NTRK2: variants seen among roughly 807,000 people sequenced by gnomAD.
NTRK2 encodes the protein BDNF/NT-3 growth factors receptor.
NTRK2 carries 13 observed loss-of-function variants against 94.5 expected under a neutral mutation model. The observed-to-expected ratio is 0.14, with a 90% CI of 0.09 to 0.22. The LOEUF (loss-of-function observed/expected upper bound fraction) is 0.22, where lower values mean the gene tolerates loss of function less well. NTRK2 is among the 10% of genes least tolerant of loss of function. The pLI is 1.00. For missense variants in NTRK2, 639 were observed against 1,071.2 expected (o/e 0.60, Z 5.63); for synonymous variants, 372 against 407.4 (o/e 0.91, Z 1.05).
intron 14 of NTRK2, among the ~76,000 whole-genome samples, chr9:84,903,064 A>G (rs2076978595): frequency 6.6e-6 from 1 of 152,202 alleles, no homozygotes. Flanking sequence ...TTTTTACTGT[A>G]CTGCTCGTTT....
At chr9:85,020,892 T>C (rs983740810) in intron 18 of NTRK2, among the ~76,000 whole-genome samples, 1 of 152,192 alleles carries the variant, frequency 6.6e-6, no homozygotes, top group Non-Finnish European at 1.5e-5. Flanking sequence ...CTTTATCCAA[T>C]AGCCTGAGAG....
chr9:85,016,419 A>C (rs1374324044), intron 17 of NTRK2, among the ~76,000 whole-genome samples: 2 of 152,150 alleles, frequency 1.3e-5, no homozygotes, highest in Non-Finnish European at 2.9e-5. Context: ...ATTACTGGAG[A>C]GCCCCTGAGG....
At chr9:84,765,020 T>G (rs1322148897) in intron 12 of NTRK2, among the ~76,000 whole-genome samples, 2 of 152,148 alleles carry the variant, frequency 1.3e-5, no homozygotes, top group Admixed American at 6.5e-5. Context: ...ACAATTGAAC[T>G]CATGGACACA....
At chr9:84,909,119 T>C (rs2077162493) in intron 14 of NTRK2, among the ~76,000 whole-genome samples, 1 of 152,180 alleles carries the variant, frequency 6.6e-6, no homozygotes, top group Non-Finnish European at 1.5e-5. Flanking sequence ...CCCACTATTC[T>C]ATTCTCCATT....
chr9:84,792,876 A>G (rs2068870439), intron 12 of NTRK2, among the ~76,000 whole-genome samples: 1 of 152,334 alleles, frequency 6.6e-6, no homozygotes, highest in Middle Eastern at 3.4e-3. Context: ...TATAAAATAG[A>G]TATTATATAA....
At position 84,670,774 on chromosome 9, in the gene NTRK2, G is replaced by A. The variant is rs1421322179; in HGVS notation, c.26G>A (p.Gly9Glu). 6.2e-7 allele frequency: 1 copy of A among 1,613,566 alleles called. No individual in the cohort carries two copies. The highest frequency in any genetic ancestry group is 1.3e-5 in the African/African-American group (1 of 74,932). ...ATGTCGTCCTGGATAAGGTGGCATG[G>A]ACCCGCCATGGCGCGGCTCTGGGGC... MSSWIRWH[G>E]PAMARLWGFC... Residue 9 changes from glycine to glutamate, a missense_variant, in exon 2 of 19, where the codon GGA becomes GAA. By Grantham distance (98) the Gly-to-Glu change is moderately conservative (BLOSUM62 -2). Coordinates refer to ENST00000277120, the MANE Select transcript of NTRK2 (RefSeq NM_006180.6).
chr9:84,894,582 G>A (rs2076704215), intron 14 of NTRK2, among the ~76,000 whole-genome samples: 1 of 152,146 alleles, frequency 6.6e-6, no homozygotes, highest in Non-Finnish European at 1.5e-5. Flanking sequence ...TTGGCTAAGA[G>A]CAAGGGGCTT....
chr9:84,928,573 G>A (rs2093705844), intron 14 of NTRK2, among the ~76,000 whole-genome samples: 1 of 152,126 alleles, frequency 6.6e-6, no homozygotes, highest in African/African-American at 2.4e-5. Context: ...AGAGTCCAAG[G>A]GTTGCTTTTC....
intron 14 of NTRK2, among the ~76,000 whole-genome samples, chr9:84,901,510 G>C (rs1413487436): frequency 1.3e-5 from 2 of 152,070 alleles, no homozygotes; most frequent in Non-Finnish European, 2.9e-5. Flanking sequence ...GGGATTACAG[G>C]TGTTAGCCAC....
chr9:84,847,418 T>G (rs1220434796), intron 12 of NTRK2, among the ~76,000 whole-genome samples: 5 of 152,198 alleles, frequency 3.3e-5, no homozygotes, highest in Admixed American at 3.3e-4. Context: ...CAGGAGTAAA[T>G]ACAAGCTTGT....
chr9:84,913,054 G>A (rs1157368595), intron 14 of NTRK2, among the ~76,000 whole-genome samples: 2 of 152,154 alleles, frequency 1.3e-5, no homozygotes, highest in Non-Finnish European at 2.9e-5. Context: ...TTATTGATAT[G>A]TTAGGGCTTA....
intron 12 of NTRK2, among the ~76,000 whole-genome samples, chr9:84,849,191 G>T (rs1487440958): frequency 6.6e-6 from 1 of 152,130 alleles, no homozygotes; most frequent in African/African-American, 2.4e-5. Context: ...ACACAGTTTG[G>T]CAGGGGGGAC....
intron 14 of NTRK2, among the ~76,000 whole-genome samples, chr9:84,909,299 C>A (rs768732017): frequency 6.6e-6 from 1 of 152,062 alleles, no homozygotes. Flanking sequence ...ATAAATGTAT[C>A]ACAGTTTGTT....
At chr9:84,925,202 T>TTC (rs201470029) in intron 14 of NTRK2, among the ~76,000 whole-genome samples, 15 of 92,400 alleles carry the variant, frequency 1.6e-4, no homozygotes, top group African/African-American at 5.0e-4. Context: ...TCTCTTCTTC[T>TTC]TTTTTTTTTT....
At chr9:84,774,256 C>T (rs989683828) in intron 12 of NTRK2, among the ~76,000 whole-genome samples, 3 of 152,260 alleles carry the variant, frequency 2.0e-5, no homozygotes, top group African/African-American at 4.8e-5. Context: ...AAGTCAGAAA[C>T]GAGGGCCAAT....
intron 12 of NTRK2, among the ~76,000 whole-genome samples, chr9:84,860,305 G>A (rs142920464): frequency 1.7e-4 from 26 of 152,230 alleles, no homozygotes; most frequent in African/African-American, 6.0e-4. Context: ...TTTCACTGTG[G>A]CTTTATTCAC....
chr9:84,962,992 C>G (rs531393420), intron 17 of NTRK2, among the ~76,000 whole-genome samples: 1 of 152,198 alleles, frequency 6.6e-6, no homozygotes, highest in African/African-American at 2.4e-5. Context: ...CGGGCAATTT[C>G]TGATTGGTTC....
intron 12 of NTRK2, among the ~76,000 whole-genome samples, chr9:84,782,769 C>T (rs186277261): frequency 3.4e-4 from 51 of 152,224 alleles, no homozygotes; most frequent in African/African-American, 1.1e-3. Context: ...TGGAGTATAA[C>T]GGTTCAGGCT....
chr9:84,973,813 A>G (rs755857984), intron 17 of NTRK2, among the ~76,000 whole-genome samples: 1 of 152,200 alleles, frequency 6.6e-6, no homozygotes, highest in East Asian at 1.9e-4. Flanking sequence ...ACTGAATTAA[A>G]CCAAAATATT....
Sources: allele counts gnomAD v4.1 joint callset (sites outside exome capture counted in the v4.1 genomes callset), GRCh38; gene constraint gnomAD v4.1.1; transcripts MANE v1.5; gene names NCBI Gene and HGNC (gene_info 2026-07-23, HGNC 2026-07-21).